The following DPH1 variants were observed in gnomAD, a reference collection of about 807,000 sequenced individuals.
DPH1 encodes the protein 2-(3-amino-3-carboxypropyl)histidine synthase subunit 1.
Under a neutral mutation model 55.3 loss-of-function variants are expected in DPH1, and 59 were observed. The ratio of observed to expected loss-of-function variants is 1.07; its 90% CI spans 0.87 to 1.33. The LOEUF (loss-of-function observed/expected upper bound fraction) is 1.33. Ranked by LOEUF, DPH1 falls within the 40% of genes most tolerant of loss-of-function variation. DPH1 has a pLI of 0.00. For missense variants in DPH1, 628 were observed against 584.8 expected (o/e 1.07, Z -0.76); for synonymous variants, 238 against 235.5 (o/e 1.01, Z -0.10).
At position 2,042,661 on chromosome 17, in the gene DPH1, G is replaced by A. The variant is rs1373652235; in HGVS notation, c.*75G>A. The A allele has an allele frequency of 2.6e-5, 40 of 1,524,268 alleles. No individual in the cohort carries two copies. Among genetic ancestry groups the A allele is most frequent in the Non-Finnish European group, 3.2e-5 (36 of 1,139,614 alleles). 94.4% of individuals were successfully genotyped at this position (1,524,268 alleles called of 1,614,324 possible). Reference sequence around the variant, plus strand: ...CTGGTGGTTTTCAGAGCAGGAGGCCGACGTTTTCTCCGCATTGGAAGAGCC... The same window carrying A: ...CTGGTGGTTTTCAGAGCAGGAGGCCAACGTTTTCTCCGCATTGGAAGAGCC... On this transcript the variant is annotated 3_prime_UTR_variant, in exon 13 of 13. Coordinates refer to ENST00000263083, the MANE Select transcript of DPH1 (RefSeq NM_001383.6).
In DPH1 at chr17:2,033,649, C is replaced by G; in HGVS notation, c.206C>G (p.Ala69Gly). Residue 69 changes from alanine to glycine, a missense_variant, in exon 2 of 13, where the codon GCC (alanine) becomes GGC (glycine). Coordinates refer to ENST00000263083, the MANE Select transcript of DPH1 (RefSeq NM_001383.6). The stretch of plus-strand genomic sequence containing the variant: ...ATCTGGAGGATCCAACAAGCCCAGG[C>G]CAAGAAGGGTGAGCCTGTGATCATT... ...KTIWRIQQAQAKKVALQMPEG... is the reference protein window; with the variant it reads ...KTIWRIQQAQGKKVALQMPEG... 6.2e-7 allele frequency: 1 copy of G among 1,614,062 alleles called. No homozygotes were observed. Among genetic ancestry groups the G allele is most frequent in the South Asian group, 1.1e-5 (1 of 91,076 alleles).
rs202219075 is a variant in DPH1 at position 2,041,570 on chromosome 17, C to G, written c.1176C>G (p.Asn392Lys). ...GCTCCTTGGGGCCCTGGACGGTGAA[C>G]CACGGCCAGGACCGCCGTCCCCACG... ...AGSSLGPWTV[N>K]HGQDRRPHAP... Residue 392 changes from asparagine to lysine, a missense_variant, in exon 11 of 13, where the codon AAC becomes AAG. Asn to Lys is a moderately conservative substitution (Grantham distance 94). Transcript: ENST00000263083. The G allele has an allele frequency of 1.6e-4, 260 of 1,611,346 alleles. No individual in the cohort carries two copies. In the African/African-American group the frequency reaches 3.0e-3, roughly 19 times the overall value.
intron 8 of DPH1, 27 bp from the exon 9 acceptor site, chr17:2,040,478 C>T: frequency 1.2e-6 from 2 of 1,614,024 alleles, no homozygotes; most frequent in African/African-American, 2.7e-5. Context: ...ACCAGGTGAC[C>T]CCCACCCTGC....
rs2067573894 is a variant in DPH1, at chr17:2,043,006, G to A, written c.*420G>A. ...TGTGCAACTGGCCAGCCAATTTCCC[G>A]GAGCCATCACCCTCACCCACTCTGG... On this transcript the variant is annotated 3_prime_UTR_variant, in exon 13 of 13. Coordinates refer to ENST00000263083, the MANE Select transcript of DPH1 (RefSeq NM_001383.6). 4 of 1,613,940 alleles carry A rather than the reference G, an allele frequency of 2.5e-6. No homozygotes were observed. The highest frequency in any genetic ancestry group is 2.2e-5 in the East Asian group (1 of 44,898).
chr17:2,036,182 C>A lies in DPH1; in HGVS notation c.400+91C>A. The A allele has an allele frequency of 6.5e-7, 1 of 1,541,946 alleles. No individual in the cohort carries two copies. Among genetic ancestry groups the A allele is most frequent in the Non-Finnish European group, 8.8e-7 (1 of 1,142,756 alleles). On this transcript the variant is annotated intron_variant, in intron 4 of 12. Transcript: ENST00000263083. The surrounding 1 kb of genome is among the most constrained non-coding windows in gnomAD (Gnocchi z 4.8). Reference sequence around the variant, plus strand: ...TTCCCCATGGCAGTGCCTTCTTGTCCTGCTTGGAGACACAAGGTCCCTCCT... The same window carrying A: ...TTCCCCATGGCAGTGCCTTCTTGTCATGCTTGGAGACACAAGGTCCCTCCT...
At chr17:2,039,447 A>G (rs555905475) in intron 6 of DPH1, 75 of 258,954 alleles carry the variant, frequency 2.9e-4, no homozygotes, top group Admixed American at 1.4e-3. Context: ...GCGCGATCTC[A>G]GCTCACTGCA....
At chr17:2,041,986 C>T (rs2067538596) in intron 12 of DPH1, 111 bp downstream of exon 12, 6 of 1,492,426 alleles carry the variant, frequency 4.0e-6, no homozygotes, top group South Asian at 1.2e-5. Flanking sequence ...CCGCCCCGTG[C>T]ATTGTGCTTC....
Position 2,036,154 on chromosome 17 carries a change from A to G in DPH1, c.400+63A>G, listed in dbSNP as rs2067421082. The G allele has an allele frequency of 6.3e-7, 1 of 1,594,934 alleles. No individual in the cohort carries two copies. Among genetic ancestry groups the G allele is most frequent in the South Asian group, 1.1e-5 (1 of 88,614 alleles). ...TGGCAGGGAGGCAGGCTGCACATTCATCTTCCCCATGGCAGTGCCTTCTTG... is the reference window on the plus strand; with the variant it reads ...TGGCAGGGAGGCAGGCTGCACATTCGTCTTCCCCATGGCAGTGCCTTCTTG... On this transcript the variant is annotated intron_variant, in intron 4 of 12. Coordinates refer to ENST00000263083, the MANE Select transcript of DPH1 (RefSeq NM_001383.6). The surrounding 1 kb of genome is among the most constrained non-coding windows in gnomAD (Gnocchi z 4.8).
intron 10 of DPH1, 71 bp from the exon 11 acceptor site, chr17:2,041,410 G>A (rs748478824): frequency 3.2e-6 from 5 of 1,555,918 alleles, no homozygotes; most frequent in Non-Finnish European, 3.5e-6. Flanking sequence ...GCCGTCGTGA[G>A]GACTGAATTC....
At position 2,030,189 on chromosome 17, in the gene DPH1, C is replaced by T; in HGVS notation, c.20C>T (p.Ser7Phe). The T allele has an allele frequency of 6.2e-7, 1 of 1,602,930 alleles. No homozygotes were observed. The highest frequency in any genetic ancestry group is 8.5e-7 in the Non-Finnish European group (1 of 1,175,904). Residue 7 changes from serine (S) to phenylalanine (F), a missense_variant, in exon 1 of 13, where the codon TCC becomes TTC. By Grantham distance (155) the Ser-to-Phe change is radical. Coordinates refer to ENST00000263083, the MANE Select transcript of DPH1 (RefSeq NM_001383.6). MAALVV[S>F]GAAEQGGRDG... ...CAGGTGATGGCGGCGCTGGTCGTATCCGGGGCAGCGGAGCAGGGCGGCCGA... is the reference window on the plus strand; with the variant it reads ...CAGGTGATGGCGGCGCTGGTCGTATTCGGGGCAGCGGAGCAGGGCGGCCGA...
intron 3 of DPH1, chr17:2,034,952 C>T (rs1382869728): frequency 1.4e-5 from 2 of 147,414 alleles, no homozygotes; most frequent in Admixed American, 6.8e-5. Flanking sequence ...GGCCAATTTG[C>T]ATACATTTTA....
intron 3 of DPH1, 110 bp downstream of exon 3, chr17:2,033,952 TC>T: frequency 8.1e-7 from 1 of 1,232,920 alleles, no homozygotes; most frequent in Non-Finnish European, 1.2e-6. Context: ...CTTCTGAACC[TC>T]CACCTTCCCC....
At chr17:2,039,664 A>G (rs377762245) in intron 6 of DPH1, 91 bp from the exon 7 acceptor site, 2 of 1,533,466 alleles carry the variant, frequency 1.3e-6, no homozygotes, top group Non-Finnish European at 9.0e-7. Flanking sequence ...GGCGTGAGCC[A>G]CCGCGCCCGG....
At chr17:2,037,172 T>G in intron 6 of DPH1, 1 of 579,634 alleles carries the variant, frequency 1.7e-6, no homozygotes, top group Non-Finnish European at 2.7e-6. Flanking sequence ...CTGTGCAGGG[T>G]GGGGGCAGGA....
chr17:2,040,149 C>G, intron 7 of DPH1, 69 bp from the exon 8 acceptor site: 1 of 1,585,928 alleles, frequency 6.3e-7, no homozygotes, highest in East Asian at 2.2e-5. Context: ...GGGGCTGAGT[C>G]AGGAGCTGTG....
At chr17:2,041,044 C>A (rs2067511494) in intron 9 of DPH1, 59 bp from the exon 10 acceptor site, 1 of 1,519,380 alleles carries the variant, frequency 6.6e-7, no homozygotes, top group Non-Finnish European at 9.0e-7. Context: ...TGTTCTTCAG[C>A]ATGCTGCCTG....
intron 1 of DPH1, among the ~76,000 whole-genome samples, chr17:2,032,823 A>G (rs1567542131): frequency 6.6e-6 from 1 of 152,148 alleles, no homozygotes; most frequent in Non-Finnish European, 1.5e-5. Context: ...GGCTCACTGC[A>G]AGCTCCGCCT....
In DPH1 at chr17:2,036,661, CCATT is replaced by C; in HGVS notation, c.536_539del (p.Ile179SerfsTer13). The C allele has an allele frequency of 6.2e-7, 1 of 1,614,158 alleles. No homozygotes were observed. The highest frequency in any genetic ancestry group is 8.5e-7 in the Non-Finnish European group (1 of 1,180,016). ...GCCACTGCCCTTGCCCTGGTCAGCA[CCATT>C]CAGTTTGTGTCGACCTTGCAGGTGG... On this transcript the variant is annotated frameshift_variant, in exon 5 of 13. Transcript: ENST00000263083. LOFTEE classifies it high-confidence loss of function. This position sits in a 1 kb window ranked among gnomAD's most constrained non-coding sequence, Gnocchi z 4.8.
intron 3 of DPH1, among the ~76,000 whole-genome samples, chr17:2,035,550 G>GCCCTGCCTGCGGTGGGGAGGT (rs1555525132): frequency 6.6e-6 from 1 of 151,490 alleles, no homozygotes; most frequent in Non-Finnish European, 1.5e-5. Flanking sequence ...CGGCAAGAGG[G>GCCCTGCCTGCGGTGGGGAGGT]AGGCTGTGTG....
Sources: gnomAD v4.1 joint callset for allele counts (sites outside exome capture counted in the v4.1 genomes callset) on GRCh38, gnomAD v4.1.1 for gene constraint, Gnocchi (gnomAD v3.1) non-coding constraint, MANE v1.5 for transcripts, NCBI Gene and HGNC (gene_info 2026-07-23, HGNC 2026-07-21) for gene names.